ASTE1: variants seen among roughly 807,000 people sequenced by gnomAD.
ASTE1 encodes the protein single-strand DNA endonuclease ASTE1.
A neutral mutation model predicts 45.8 loss-of-function variants in ASTE1; 49 were observed. That is an observed-to-expected ratio of 1.07 (90% CI 0.85 to 1.36). The LOEUF (loss-of-function observed/expected upper bound fraction) is 1.36, where lower values mean the gene tolerates loss of function less well. Among genes scored for constraint, ASTE1 ranks in the 40% most tolerant of loss-of-function variants. The pLI is 0.00. For synonymous variants in ASTE1, 296 were observed against 303.9 expected (o/e 0.97, Z 0.27); for missense variants, 709 against 804.0 (o/e 0.88, Z 1.43).
At chr3:131,016,996 C>G in intron 4 of ASTE1, 1 of 1,289,330 alleles carries the variant, frequency 7.8e-7, no homozygotes, top group South Asian at 1.2e-5. Context: ...CCACCTTTTA[C>G]CAACTAGCGA....
intron 3 of ASTE1, 134 bp downstream of exon 3, chr3:131,023,871 C>T: frequency 1.1e-6 from 1 of 914,314 alleles, no homozygotes; most frequent in Non-Finnish European, 1.6e-6. Context: ...TTCTAGATTT[C>T]TTAGCTACGA....
At position 131,025,066 on chromosome 3, in the gene ASTE1, C is replaced by G; in HGVS notation, c.241G>C (p.Gly81Arg). The change falls in exon 3 of 6, where the codon GGA becomes CGA. Residue 81 changes from glycine (G) to arginine (R), a missense_variant. Transcript: ENST00000264992. ...NICPYVVLDG[G>R]CDISDKKLTT... ...AGCTTTTTATCTGAAATGTCACATC[C>G]TCCATCTAATACAACATATGGGCAT... 6.2e-7 allele frequency: 1 copy of G among 1,609,932 alleles called. No homozygotes were observed. The highest frequency in any genetic ancestry group is 8.5e-7 in the Non-Finnish European group (1 of 1,177,520).
intron 3 of ASTE1, among the ~76,000 whole-genome samples, chr3:131,020,281 A>T (rs2063724843): frequency 6.6e-6 from 1 of 152,168 alleles, no homozygotes; most frequent in Non-Finnish European, 1.5e-5. Flanking sequence ...AAGGGGAAGT[A>T]CTCAACTCAC....
chr3:131,025,443 G>A (rs1195604722), intron 2 of ASTE1, 31 bp downstream of exon 2: 1 of 1,342,246 alleles, frequency 7.5e-7, no homozygotes, highest in South Asian at 1.6e-5. Context: ...TCTTTAGATA[G>A]AACATAGATA....
Position 131,014,378 on chromosome 3 carries a change from ACTGTACAGT to A in ASTE1, c.1710_1718del (p.Leu571_Ser573del). ...GGCATAGTCCGTGCACCAGGCTTCC[ACTGTACAGT>A]CTGTTCAAAGCAAGAAAAAAGTATG... On this transcript the variant is annotated inframe_deletion and splice_region_variant, in exon 6 of 6. Coordinates refer to ENST00000264992, the MANE Select transcript of ASTE1 (RefSeq NM_014065.4). 6.3e-7 allele frequency: 1 copy of A among 1,595,306 alleles called. No individual in the cohort carries two copies. Among genetic ancestry groups the A allele is most frequent in the Non-Finnish European group, 8.5e-7 (1 of 1,173,238 alleles).
intron 5 of ASTE1, 86 bp downstream of exon 5, chr3:131,016,058 T>A (rs1353873836): frequency 6.8e-7 from 1 of 1,474,328 alleles, no homozygotes; most frequent in South Asian, 1.2e-5. Context: ...TTTTTTTAAG[T>A]AACTTTGTTG....
chr3:131,023,917 GT>G, intron 3 of ASTE1, 87 bp downstream of exon 3: 1 of 1,335,064 alleles, frequency 7.5e-7, no homozygotes, highest in Non-Finnish European at 1.0e-6. Flanking sequence ...TCATCAGTTT[GT>G]TATAGTAAGT....
Position 131,024,374 on chromosome 3 carries a change from C to A in ASTE1, c.933G>T (p.Gln311His). 1 of 1,614,244 alleles carries A rather than the reference C, an allele frequency of 6.2e-7. No individual in the cohort carries two copies. Among genetic ancestry groups the A allele is most frequent in the South Asian group, 1.1e-5 (1 of 91,090 alleles). ...CATCTGGACAGACATAAGTACCACA[C>A]TGGAAGAAGTCCTGTAGCTTCACCT... ...QSQVKLQDFFQCGTYVCPDAL... is the reference protein window; with the variant it reads ...QSQVKLQDFFHCGTYVCPDAL... The change falls in exon 3 of 6, where the codon CAG becomes CAT. Residue 311 changes from glutamine to histidine, a missense_variant. Gln to His is a conservative substitution (Grantham distance 24, BLOSUM62 0). Transcript: ENST00000264992.
At position 131,024,214 on chromosome 3, in the gene ASTE1, C is replaced by T. The variant is rs2063778369; in HGVS notation, c.1093G>A (p.Ala365Thr). The change falls in exon 3 of 6, where the codon GCC (alanine) becomes ACC (threonine). Residue 365 changes from alanine (A) to threonine (T), a missense_variant. Physicochemically the swap from Ala to Thr is moderately conservative, Grantham distance 58 (BLOSUM62 0). Coordinates refer to ENST00000264992, the MANE Select transcript of ASTE1 (RefSeq NM_014065.4). ...CTGATGGGCTGAGATATTCTGTGGG[C>T]ATTTGGTTGCTGCATGTTTTCCACC... ...TQVENMQQPN[A>T]HRISQPIRQI... 13 of 1,614,048 alleles carry T rather than the reference C, an allele frequency of 8.1e-6. No homozygotes were observed. The highest frequency in any genetic ancestry group is 1.3e-5 in the African/African-American group (1 of 74,934).
At position 131,024,374 on chromosome 3, in the gene ASTE1, C is replaced by G; in HGVS notation, c.933G>C (p.Gln311His). 1 of 1,614,244 alleles carries G rather than the reference C, an allele frequency of 6.2e-7. No individual in the cohort carries two copies. Among genetic ancestry groups the G allele is most frequent in the Non-Finnish European group, 8.5e-7 (1 of 1,180,050 alleles). ...QSQVKLQDFF[Q>H]CGTYVCPDAL... Reference sequence around the variant, plus strand: ...CATCTGGACAGACATAAGTACCACACTGGAAGAAGTCCTGTAGCTTCACCT... The same window carrying G: ...CATCTGGACAGACATAAGTACCACAGTGGAAGAAGTCCTGTAGCTTCACCT... Residue 311 changes from glutamine to histidine, a missense_variant, in exon 3 of 6, where the codon CAG (glutamine) becomes CAC (histidine). Coordinates refer to ENST00000264992, the MANE Select transcript of ASTE1 (RefSeq NM_014065.4).
At chr3:131,023,949 AC>A in intron 3 of ASTE1, 55 bp downstream of exon 3, 6 of 1,492,880 alleles carry the variant, frequency 4.0e-6, no homozygotes, top group Non-Finnish European at 5.4e-6. Flanking sequence ...AGAAGACAGC[AC>A]TTTGTATCCT....
At chr3:131,022,539 T>G (rs2063756966) in intron 3 of ASTE1, among the ~76,000 whole-genome samples, 1 of 151,704 alleles carries the variant, frequency 6.6e-6, no homozygotes, top group Non-Finnish European at 1.5e-5. Context: ...CCCAGGCTGG[T>G]CTTGAACTAC....
rs2063700198 is a variant in ASTE1 at position 131,018,571 on chromosome 3, T to C, written c.1448A>G (p.His483Arg). 1 of 1,614,142 alleles carries C rather than the reference T, an allele frequency of 6.2e-7. No individual in the cohort carries two copies. The highest frequency in any genetic ancestry group is 8.5e-7 in the Non-Finnish European group (1 of 1,180,028). ...LQHTETKAKL[H>R]HLQSLLLTML... ...TGTGAGCAGTAAGGATTGTAGATGA[T>C]GTAGCTTTGCTTTGGTCTCGGTGTG... The change falls in exon 4 of 6, where the codon CAT becomes CGT. Residue 483 changes from histidine (H) to arginine (R), a missense_variant. Coordinates refer to ENST00000264992, the MANE Select transcript of ASTE1 (RefSeq NM_014065.4).
At chr3:131,025,714 A>C (rs1247621448) in intron 1 of ASTE1, 120 bp from the exon 2 acceptor site, 2 of 165,626 alleles carry the variant, frequency 1.2e-5, no homozygotes, top group Non-Finnish European at 2.6e-5. Flanking sequence ...TTGTGGGGTC[A>C]AAGTAAAAAG....
intron 5 of ASTE1, among the ~76,000 whole-genome samples, chr3:131,015,413 T>TATCA (rs2063569866): frequency 6.6e-6 from 1 of 152,208 alleles, no homozygotes; most frequent in African/African-American, 2.4e-5. Context: ...CCATTGATCC[T>TATCA]ATCACTTTTT....
chr3:131,023,864 T>C (rs1316373434), intron 3 of ASTE1, 141 bp downstream of exon 3: 3 of 859,962 alleles, frequency 3.5e-6, no homozygotes, highest in African/African-American at 3.4e-5. Flanking sequence ...ACTCAAGTTC[T>C]AGATTTCTTA....
chr3:131,020,652 A>T (rs182692451), intron 3 of ASTE1, among the ~76,000 whole-genome samples: 1 of 152,390 alleles, frequency 6.6e-6, no homozygotes, highest in East Asian at 1.9e-4. Flanking sequence ...AATAGGTACT[A>T]TCACAAGGTT....
At position 131,013,950 on chromosome 3, in the gene ASTE1, C is replaced by T; in HGVS notation, c.*107G>A. On this transcript the variant is annotated 3_prime_UTR_variant, in exon 6 of 6. Coordinates refer to ENST00000264992, the MANE Select transcript of ASTE1 (RefSeq NM_014065.4). ...ATTCAGATTATTGTGATGTTTATCC[C>T]CTAACAGGTCAGTCCTAAAGAAAAA... 1.4e-6 allele frequency: 1 copy of T among 713,174 alleles called. No individual in the cohort carries two copies. The highest frequency in any genetic ancestry group is 2.2e-6 in the Non-Finnish European group (1 of 448,298). The allele number at this position is 713,174 out of a possible 1,614,324, so 44.2% of individuals were successfully genotyped here. A position where few individuals can be genotyped will look rare whatever the true frequency, so the allele number is the denominator to read the frequency against.
At chr3:131,019,576 C>T (rs192383351) in intron 3 of ASTE1, among the ~76,000 whole-genome samples, 22 of 152,324 alleles carry the variant, frequency 1.4e-4, no homozygotes, top group African/African-American at 5.3e-4. Context: ...GTCATGCACT[C>T]AGGAATATTA....
Sources: gnomAD v4.1 joint callset for allele counts (sites outside exome capture counted in the v4.1 genomes callset) on GRCh38, gnomAD v4.1.1 for gene constraint, MANE v1.5 for transcripts, NCBI Gene and HGNC (gene_info 2026-07-23, HGNC 2026-07-21) for gene names.